The following IQGAP1 variants were observed in gnomAD, a reference collection of about 807,000 sequenced individuals.
IQGAP1 encodes the protein IQ motif containing GTPase activating protein 1, also known as ras GTPase-activating-like protein IQGAP1.
In IQGAP1, 66 loss-of-function variants were observed where a neutral mutation model predicts 215.6. That is an observed-to-expected ratio of 0.31 (90% CI 0.25 to 0.38). The LOEUF (loss-of-function observed/expected upper bound fraction) is 0.38, where lower values mean the gene tolerates loss of function less well. Among genes scored for constraint, IQGAP1 ranks in the 10% least tolerant of loss-of-function variants. The pLI is 1.00. For synonymous variants in IQGAP1, 772 were observed against 728.7 expected (o/e 1.06, Z -0.96); for missense variants, 1,712 against 1,997.1 (o/e 0.86, Z 2.72).
intron 9 of IQGAP1, among the ~76,000 whole-genome samples, chr15:90,444,072 AAATATTTTTCTATTTTTTTAAAGTAAC>A (rs1399829186): frequency 6.6e-6 from 1 of 151,974 alleles, no homozygotes; most frequent in Non-Finnish European, 1.5e-5. Flanking sequence ...AAAAAAAAAA[AAATATTTTTCTATTTTTTTAAAGTAAC>A]ATTATATTTT....
chr15:90,461,046 C>T (rs1003595615), intron 15 of IQGAP1, among the ~76,000 whole-genome samples: 13 of 151,006 alleles, frequency 8.6e-5, no homozygotes, highest in African/African-American at 3.2e-4. Context: ...GTGCCTCATC[C>T]CTGTAATCCC....
intron 2 of IQGAP1, among the ~76,000 whole-genome samples, chr15:90,418,535 C>T (rs930986740): frequency 6.6e-6 from 1 of 151,944 alleles, no homozygotes; most frequent in Non-Finnish European, 1.5e-5. Context: ...CACAGTGAGC[C>T]GTGTGATTGG....
intron 26 of IQGAP1, among the ~76,000 whole-genome samples, chr15:90,479,701 G>A (rs1222109280): frequency 1.3e-5 from 2 of 152,058 alleles, no homozygotes; most frequent in Non-Finnish European, 2.9e-5. Context: ...TGCCTTGATG[G>A]CGCCACTGCA....
chr15:90,400,645 C>G (rs532837805), intron 2 of IQGAP1, among the ~76,000 whole-genome samples: 16 of 152,336 alleles, frequency 1.1e-4, no homozygotes, highest in African/African-American at 3.8e-4. Context: ...GGGAAAAAAT[C>G]TGGCTGGGCT....
intron 31 of IQGAP1, 29 bp downstream of exon 31, chr15:90,486,161 C>A (rs770764566): frequency 2.0e-6 from 3 of 1,507,684 alleles, no homozygotes; most frequent in South Asian, 1.1e-5. Context: ...CCTGGAAGAT[C>A]AAAAGGGAAT....
intron 15 of IQGAP1, among the ~76,000 whole-genome samples, chr15:90,459,475 A>G (rs1034793012): frequency 6.6e-5 from 10 of 152,238 alleles, no homozygotes; most frequent in Admixed American, 6.5e-4. Context: ...AAATAATTCA[A>G]AAGGCTGTGT....
chr15:90,406,606 A>G (rs1964881847), intron 2 of IQGAP1, among the ~76,000 whole-genome samples: 1 of 152,262 alleles, frequency 6.6e-6, no homozygotes, highest in African/African-American at 2.4e-5. Context: ...AAAGAGCTGC[A>G]GATTTTTAGT....
intron 8 of IQGAP1, among the ~76,000 whole-genome samples, chr15:90,442,189 T>TG (rs1965460690): frequency 6.6e-6 from 1 of 152,178 alleles, no homozygotes; most frequent in South Asian, 2.1e-4. Flanking sequence ...TATGTGGAAG[T>TG]TAGTTAAATG....
Position 90,482,120 on chromosome 15 carries a change from A to C in IQGAP1, c.3470+20A>C, listed in dbSNP as rs762490101. On this transcript the variant is annotated intron_variant, in intron 27 of 37. Transcript: ENST00000268182. ...AATCCCGTGAGTGCCATCAGTTGTC[A>C]TGACCCCCAGTAGAACCCAGCACTA... is the stretch of plus-strand genomic sequence containing the variant. The C allele has an allele frequency of 1.7e-5, 27 of 1,614,082 alleles. No individual in the cohort carries two copies. The highest frequency in any genetic ancestry group is 2.1e-5 in the Non-Finnish European group (25 of 1,180,040).
intron 5 of IQGAP1, among the ~76,000 whole-genome samples, chr15:90,438,046 G>C (rs1965394355): frequency 6.6e-6 from 1 of 152,060 alleles, no homozygotes; most frequent in South Asian, 2.1e-4. Flanking sequence ...ATACATTTGG[G>C]TTTATTATAT....
chr15:90,479,036 G>A (rs980331342), intron 26 of IQGAP1, among the ~76,000 whole-genome samples: 1 of 152,152 alleles, frequency 6.6e-6, no homozygotes, highest in Admixed American at 6.5e-5. Flanking sequence ...GACCCAGAGG[G>A]GTGGGAGATG....
chr15:90,489,681 C>T (rs1966176542), intron 33 of IQGAP1, among the ~76,000 whole-genome samples: 1 of 152,156 alleles, frequency 6.6e-6, no homozygotes, highest in Non-Finnish European at 1.5e-5. Flanking sequence ...CCATTGTTTT[C>T]AATGAAGTCT....
intron 2 of IQGAP1, among the ~76,000 whole-genome samples, chr15:90,424,419 G>A (rs542445815): frequency 2.6e-4 from 40 of 152,298 alleles, no homozygotes; most frequent in African/African-American, 9.1e-4. Flanking sequence ...AGAAAGAAAA[G>A]ACAGCAGAGA....
chr15:90,431,120 A>G (rs2151015715), intron 4 of IQGAP1: 1 of 150,790 alleles, frequency 6.6e-6, no homozygotes, highest in East Asian at 1.9e-4. Context: ...ATATGTATAC[A>G]ATATACAACA....
chr15:90,394,049 T>C (rs1964677056), intron 2 of IQGAP1, among the ~76,000 whole-genome samples: 1 of 149,114 alleles, frequency 6.7e-6, no homozygotes, highest in Admixed American at 6.8e-5. Flanking sequence ...GCAGGAGAAT[T>C]GCTTGAACCC....
At chr15:90,400,838 T>C (rs1490851226) in intron 2 of IQGAP1, among the ~76,000 whole-genome samples, 2 of 152,236 alleles carry the variant, frequency 1.3e-5, no homozygotes, top group Non-Finnish European at 2.9e-5. Context: ...CTGCCTCTGA[T>C]TGCTGTACAA....
At chr15:90,487,611 T>A (rs1370275781) in intron 33 of IQGAP1, 29 bp downstream of exon 33, 3 of 1,448,708 alleles carry the variant, frequency 2.1e-6, no homozygotes, top group Non-Finnish European at 1.9e-6. Flanking sequence ...CATACTCCTT[T>A]GTTTGGTAGA....
intron 2 of IQGAP1, among the ~76,000 whole-genome samples, chr15:90,407,011 T>C (rs1243207368): frequency 6.6e-6 from 1 of 152,222 alleles, no homozygotes; most frequent in Non-Finnish European, 1.5e-5. Context: ...TGGTGTTTAG[T>C]TCTGGAGGCC....
At chr15:90,448,787 A>G (rs773890370) in intron 10 of IQGAP1, 51 bp downstream of exon 10, 1 of 1,355,030 alleles carries the variant, frequency 7.4e-7, no homozygotes, top group South Asian at 1.9e-5. Flanking sequence ...ATCCATTCGA[A>G]TCCCATGCTG....
Sources: allele counts gnomAD v4.1 joint callset (sites outside exome capture counted in the v4.1 genomes callset), GRCh38; gene constraint gnomAD v4.1.1; transcripts MANE v1.5; gene names NCBI Gene and HGNC (gene_info 2026-07-23, HGNC 2026-07-21).